The following KALRN variants were observed in gnomAD, a reference collection of about 807,000 sequenced individuals.
KALRN encodes the protein kalirin RhoGEF kinase.
Under a neutral mutation model 353.7 loss-of-function variants are expected in KALRN, and 70 were observed. The ratio of observed to expected loss-of-function variants is 0.20; its 90% CI spans 0.16 to 0.24. KALRN has a LOEUF of 0.24. Ranked by LOEUF, KALRN falls within the 10% of genes least tolerant of loss-of-function variation. KALRN has a pLI of 1.00. For synonymous variants in KALRN, 1,391 were observed against 1,434.8 expected (o/e 0.97, Z 0.69); for missense variants, 2,791 against 3,756.7 (o/e 0.74, Z 6.72).
intron 1 of KALRN, among the ~76,000 whole-genome samples, chr3:124,116,382 C>T (rs527744814): frequency 5.4e-4 from 82 of 152,294 alleles, no homozygotes; most frequent in South Asian, 1.2e-3. Context: ...GTGCCAGGAA[C>T]TGTCCTAAGT....
intron 29 of KALRN, 130 bp from the exon 30 acceptor site, chr3:124,490,564 G>A (rs994587044): frequency 6.1e-5 from 45 of 738,068 alleles, no homozygotes; most frequent in Non-Finnish European, 9.4e-5. Flanking sequence ...GGAGTTAGCA[G>A]AGAGAAAAAA....
chr3:124,097,803 G>A (rs1368848779), intron 1 of KALRN, among the ~76,000 whole-genome samples: 2 of 152,212 alleles, frequency 1.3e-5, no homozygotes, highest in Non-Finnish European at 2.9e-5. Flanking sequence ...ATTTGACAGT[G>A]TACTACCAGC....
At chr3:124,152,693 A>G (rs1433262390) in intron 1 of KALRN, among the ~76,000 whole-genome samples, 1 of 149,504 alleles carries the variant, frequency 6.7e-6, no homozygotes, top group Non-Finnish European at 1.5e-5. Context: ...GCCCGGGTTC[A>G]AGCGATTCTC....
intron 1 of KALRN, among the ~76,000 whole-genome samples, chr3:124,034,190 G>T (rs1052598237): frequency 4.0e-5 from 6 of 151,888 alleles, no homozygotes; most frequent in Admixed American, 1.3e-4. Context: ...CCCCTCCCCT[G>T]TGCCTGTCAG....
At chr3:124,640,938 T>C (rs554745511) in intron 37 of KALRN, among the ~76,000 whole-genome samples, 100 of 152,324 alleles carry the variant, frequency 6.6e-4, no homozygotes, top group African/African-American at 2.4e-3. Flanking sequence ...CTGGTATTCT[T>C]GGACTTTACT....
rs557797978 is a variant in KALRN, at chr3:124,481,600, A to G, written c.4192-1208A>G. Among the ~76,000 whole-genome samples, 10 of 152,240 alleles carry G rather than the reference A, an allele frequency of 6.6e-5. No homozygotes were observed. The South Asian group carries it at 1.0e-3, about 16-fold the overall frequency. ...CTAACTCAAACCCATCAATGACCCA[A>G]CCTTGCATATCTAACTGTATTTTTC... On this transcript the variant is annotated intron_variant, in intron 27 of 59. Coordinates refer to ENST00000682506, the MANE Select transcript of KALRN (RefSeq NM_001388419.1).
intron 57 of KALRN, among the ~76,000 whole-genome samples, chr3:124,704,303 T>C (rs946184290): frequency 6.6e-6 from 1 of 152,180 alleles, no homozygotes; most frequent in Non-Finnish European, 1.5e-5. Context: ...TGGAGGCATG[T>C]GTTTGCTATT....
intron 51 of KALRN, among the ~76,000 whole-genome samples, chr3:124,685,684 A>G (rs765997337): frequency 1.3e-5 from 2 of 152,180 alleles, no homozygotes; most frequent in African/African-American, 4.8e-5. Context: ...CCCTTTCTCA[A>G]TGACTCAAGA....
chr3:124,111,069 T>G (rs1221444832), intron 1 of KALRN, among the ~76,000 whole-genome samples: 1 of 152,220 alleles, frequency 6.6e-6, no homozygotes, highest in Non-Finnish European at 1.5e-5. Context: ...CTTTATCTTG[T>G]TAGCTCTTTA....
At chr3:124,686,240 C>T (rs1395386927) in intron 51 of KALRN, among the ~76,000 whole-genome samples, 1 of 152,208 alleles carries the variant, frequency 6.6e-6, no homozygotes, top group African/African-American at 2.4e-5. Context: ...ACTGGGCTCA[C>T]AATAATAGTA....
At chr3:124,536,107 C>T (rs2109243027) in intron 33 of KALRN, among the ~76,000 whole-genome samples, 1 of 152,196 alleles carries the variant, frequency 6.6e-6, no homozygotes, top group South Asian at 2.1e-4. Flanking sequence ...AATGTGTCTC[C>T]CCCAGCCACC....
intron 33 of KALRN, among the ~76,000 whole-genome samples, chr3:124,504,243 G>A (rs2064956948): frequency 6.6e-6 from 1 of 151,998 alleles, no homozygotes; most frequent in Non-Finnish European, 1.5e-5. Context: ...TTGAAATCAT[G>A]GAATCTTAGG....
intron 11 of KALRN, among the ~76,000 whole-genome samples, chr3:124,394,310 T>G (rs987451749): frequency 6.6e-6 from 1 of 152,238 alleles, no homozygotes; most frequent in Non-Finnish European, 1.5e-5. Flanking sequence ...CAGACTCATC[T>G]TCCCCTCTCT....
At chr3:124,323,931 G>A (rs540659310) in intron 6 of KALRN, among the ~76,000 whole-genome samples, 4 of 152,212 alleles carry the variant, frequency 2.6e-5, no homozygotes, top group East Asian at 1.9e-4. Flanking sequence ...TGCATTTATC[G>A]GCGGTGATCA....
chr3:124,270,480 T>A (rs191306005), intron 5 of KALRN, among the ~76,000 whole-genome samples: 15 of 152,368 alleles, frequency 9.8e-5, no homozygotes, highest in South Asian at 2.1e-4. Context: ...AATTTTATAA[T>A]GTTTTCTAAT....
intron 14 of KALRN, among the ~76,000 whole-genome samples, chr3:124,418,316 G>A (rs1196338117): frequency 1.3e-5 from 2 of 152,160 alleles, no homozygotes; most frequent in East Asian, 3.9e-4. Context: ...CAATGTCTGG[G>A]CTCCATCCCT....
chr3:124,289,525 G>T (rs2076243574), intron 5 of KALRN, among the ~76,000 whole-genome samples: 1 of 152,086 alleles, frequency 6.6e-6, no homozygotes, highest in South Asian at 2.1e-4. Flanking sequence ...GGTGATTATG[G>T]CATCTGTTAC....
At chr3:124,715,648 C>A (rs1243998447) in intron 58 of KALRN, among the ~76,000 whole-genome samples, 4 of 152,200 alleles carry the variant, frequency 2.6e-5, no homozygotes, top group Admixed American at 6.5e-5. Context: ...GTAGAAGACA[C>A]CAGTGGGAAG....
intron 1 of KALRN, among the ~76,000 whole-genome samples, chr3:124,125,259 AG>A (rs1221756953): frequency 1.3e-5 from 2 of 152,252 alleles, no homozygotes; most frequent in African/African-American, 4.8e-5. Context: ...AATCTCAAAA[AG>A]GTGAAGAGAT....
Sources: gnomAD v4.1 joint callset for allele counts (sites outside exome capture counted in the v4.1 genomes callset) on GRCh38, gnomAD v4.1.1 for gene constraint, MANE v1.5 for transcripts, NCBI Gene and HGNC (gene_info 2026-07-23, HGNC 2026-07-21) for gene names.